PLEKHG1: variants seen among roughly 807,000 people sequenced by gnomAD.
PLEKHG1 encodes the protein pleckstrin homology domain-containing family G member 1.
PLEKHG1 carries 44 observed loss-of-function variants against 100.8 expected under a neutral mutation model. The ratio of observed to expected loss-of-function variants is 0.44; its 90% CI spans 0.34 to 0.56. PLEKHG1 has a LOEUF of 0.56. Ranked by LOEUF, PLEKHG1 falls within the 20% of genes least tolerant of loss-of-function variation. The pLI, the probability that PLEKHG1 is intolerant of heterozygous loss-of-function variation, is 0.01. For synonymous variants in PLEKHG1, 640 were observed against 662.5 expected, an observed-to-expected ratio of 0.97 and a Z score of 0.52; for missense variants, 1,545 against 1,720.9, an observed-to-expected ratio of 0.90 and a Z score of 1.81.
chr6:150,827,635 T>G, intron 14 of PLEKHG1: 1 of 802,464 alleles, frequency 1.2e-6, no homozygotes, highest in South Asian at 1.4e-5. Context: ...GCGGCACAGC[T>G]GGCTTGAGCA....
chr6:150,779,357 T>TTTTTTTTA (rs1562511517), intron 3 of PLEKHG1, among the ~76,000 whole-genome samples: 1 of 147,186 alleles, frequency 6.8e-6, no homozygotes, highest in African/African-American at 2.6e-5. Context: ...TTTTTTTTTT[T>TTTTTTTTA]TTTTTTGAGA....
At chr6:150,725,074 G>A (rs1276122270) in intron 1 of PLEKHG1, among the ~76,000 whole-genome samples, 1 of 152,228 alleles carries the variant, frequency 6.6e-6, no homozygotes, top group Non-Finnish European at 1.5e-5. Context: ...ACAAGGAACA[G>A]AAATTGATTG....
At chr6:150,787,030 C>CAAA (rs555809522) in intron 4 of PLEKHG1, among the ~76,000 whole-genome samples, 81 of 55,992 alleles carry the variant, frequency 1.4e-3, no homozygotes, top group East Asian at 2.1e-3. Context: ...GACTCTGTCT[C>CAAA]AAAAAAAAAA....
upstream of PLEKHG1, among the ~76,000 whole-genome samples, chr6:150,720,888 G>C (rs1349058031): frequency 6.6e-6 from 1 of 152,218 alleles, no homozygotes; most frequent in East Asian, 1.9e-4. Flanking sequence ...GCTCAGTGAA[G>C]TGTGCATTTT....
At chr6:150,608,224 G>GT (rs1299076650) in intron 1 of PLEKHG1, among the ~76,000 whole-genome samples, 1 of 152,034 alleles carries the variant, frequency 6.6e-6, no homozygotes, top group Non-Finnish European at 1.5e-5. Flanking sequence ...ATTTTTCTTT[G>GT]TTTCTTTTTA....
intron 1 of PLEKHG1, among the ~76,000 whole-genome samples, chr6:150,627,691 G>T (rs1443441083): frequency 6.6e-6 from 1 of 152,126 alleles, no homozygotes; most frequent in Non-Finnish European, 1.5e-5. Context: ...CATAGATTTT[G>T]TTTTTTAGGA....
intron 3 of PLEKHG1, 90 bp downstream of exon 4, chr6:150,768,828 CCTGACTCAG>C (rs761360683): frequency 7.8e-5 from 57 of 729,546 alleles, no homozygotes; most frequent in Non-Finnish European, 1.2e-4. Context: ...ACCTGTAACC[CCTGACTCAG>C]CTTCATATAT....
intron 2 of PLEKHG1, among the ~76,000 whole-genome samples, chr6:150,642,023 A>T (rs1432152715): frequency 1.3e-5 from 2 of 152,086 alleles, no homozygotes. Context: ...GGGTAAAAAA[A>T]AACTGTGCTT....
intron 3 of PLEKHG1, among the ~76,000 whole-genome samples, chr6:150,653,806 A>G (rs1778849340): frequency 6.6e-6 from 1 of 152,200 alleles, no homozygotes; most frequent in Admixed American, 6.5e-5. Flanking sequence ...AAATGAGTCC[A>G]TAGATATGTC....
intron 3 of PLEKHG1, among the ~76,000 whole-genome samples, chr6:150,706,379 C>A (rs2128601887): frequency 6.6e-6 from 1 of 152,036 alleles, no homozygotes; most frequent in South Asian, 2.1e-4. Context: ...TTTGGGAGGC[C>A]AAGGTGGGAG....
At chr6:150,616,730 A>G (rs368521183) in intron 1 of PLEKHG1, among the ~76,000 whole-genome samples, 46 of 152,356 alleles carry the variant, frequency 3.0e-4, no homozygotes, top group African/African-American at 6.7e-4. Flanking sequence ...TGGGTTATCA[A>G]TCTTTCATGG....
At chr6:150,697,594 A>G (rs143332013) in intron 3 of PLEKHG1, among the ~76,000 whole-genome samples, 204 of 152,292 alleles carry the variant, frequency 1.3e-3, no homozygotes, top group Non-Finnish European at 2.2e-3. Context: ...CCAAACCAGA[A>G]GTTTGGTTGG....
At chr6:150,759,064 G>C (rs1252843014) in intron 2 of PLEKHG1, among the ~76,000 whole-genome samples, 1 of 152,196 alleles carries the variant, frequency 6.6e-6, no homozygotes, top group Non-Finnish European at 1.5e-5. Flanking sequence ...GGTATATAGA[G>C]ACTTGTCCAT....
rs1039842185 is a variant in PLEKHG1, at chr6:150,674,673, C to T, written c.-99+23887C>T. Among the ~76,000 whole-genome samples the T allele has an allele frequency of 1.3e-4, 19 of 145,568 alleles. No individual in the cohort carries two copies. The East Asian group carries it at 3.4e-3, about 26-fold the overall frequency. ...TCTCTCTCTCTCTCTCTCTCTCTCT[C>T]TCTCTCTCTCCCCCCTCTTCTCTTC... is the stretch of plus-strand genomic sequence containing the variant. On this transcript the variant is annotated intron_variant, in intron 3 of 3. Transcript: ENST00000367326.
intron 1 of PLEKHG1, among the ~76,000 whole-genome samples, chr6:150,629,681 G>A (rs1050675128): frequency 1.1e-4 from 16 of 152,224 alleles, no homozygotes; most frequent in East Asian, 5.8e-4. Context: ...GGATGGTCTC[G>A]ATCTCCTGAC....
intron 3 of PLEKHG1, among the ~76,000 whole-genome samples, chr6:150,677,236 G>T (rs372403146): frequency 4.6e-5 from 7 of 151,940 alleles, no homozygotes; most frequent in African/African-American, 1.7e-4. Flanking sequence ...ACCCTATGTG[G>T]CCTGGTGCCT....
At position 150,774,270 on chromosome 6, in the gene PLEKHG1, G is replaced by A. The variant is rs560465541; in HGVS notation, c.512+5532G>A. ...CCTTATCTTCTTTTTGGCATTAGCAGGAATGTTTTACCCTTAAGTGTGATG... is the reference window on the plus strand; with the variant it reads ...CCTTATCTTCTTTTTGGCATTAGCAAGAATGTTTTACCCTTAAGTGTGATG... On this transcript the variant is annotated intron_variant, in intron 3 of 15. Transcript: ENST00000358517. 1.4e-3 allele frequency among the ~76,000 whole-genome samples: 209 copies of A among 152,254 alleles called. No homozygotes were observed. The Middle Eastern group carries it at 0.024, about 17-fold the overall frequency.
intron 1 of PLEKHG1, among the ~76,000 whole-genome samples, chr6:150,620,225 G>T (rs1305812237): frequency 1.3e-5 from 2 of 152,174 alleles, no homozygotes; most frequent in Non-Finnish European, 2.9e-5. Flanking sequence ...AACAATTTCG[G>T]TTTGATTGTT....
intron 3 of PLEKHG1, among the ~76,000 whole-genome samples, chr6:150,705,527 G>T (rs562527978): frequency 6.6e-6 from 1 of 152,322 alleles, no homozygotes; most frequent in Admixed American, 6.5e-5. Context: ...GAGCCCAGTC[G>T]CCCCACCTGC....
Sources: gnomAD v4.1 joint callset for allele counts (sites outside exome capture counted in the v4.1 genomes callset) on GRCh38, gnomAD v4.1.1 for gene constraint, MANE v1.5 for transcripts, NCBI Gene and HGNC (gene_info 2026-07-23, HGNC 2026-07-21) for gene names.